The following CACNG2 variants were observed in gnomAD, a reference collection of about 807,000 sequenced individuals.
The protein encoded by CACNG2 is calcium voltage-gated channel auxiliary subunit gamma 2, also known as voltage-dependent calcium channel gamma-2 subunit.
A neutral mutation model predicts 25.9 loss-of-function variants in CACNG2; 3 were observed. That is an observed-to-expected ratio of 0.12 (90% CI 0.05 to 0.30). The LOEUF (loss-of-function observed/expected upper bound fraction) is 0.30, where lower values mean the gene tolerates loss of function less well. Among genes scored for constraint, CACNG2 ranks in the 10% least tolerant of loss-of-function variants. CACNG2 has a pLI of 1.00. For synonymous variants in CACNG2, 167 were observed against 173.3 expected, an observed-to-expected ratio of 0.96 and a Z score of 0.29; for missense variants, 341 against 432.5, an observed-to-expected ratio of 0.79 and a Z score of 1.88.
intron 1 of CACNG2, among the ~76,000 whole-genome samples, chr22:36,623,714 AATG>A (rs923433985): frequency 1.3e-5 from 2 of 151,924 alleles, no homozygotes; most frequent in Non-Finnish European, 2.9e-5. Context: ...AACTGACAAT[AATG>A]ATGATGATGA....
intron 1 of CACNG2, among the ~76,000 whole-genome samples, chr22:36,630,424 A>G (rs1220541352): frequency 6.6e-6 from 1 of 152,192 alleles, no homozygotes; most frequent in Non-Finnish European, 1.5e-5. Flanking sequence ...TGAGCACCAG[A>G]TGGATGGTGA....
At chr22:36,645,740 A>G (rs982799744) in intron 1 of CACNG2, among the ~76,000 whole-genome samples, 3 of 152,214 alleles carry the variant, frequency 2.0e-5, no homozygotes, top group African/African-American at 7.2e-5. Context: ...CTCTAGAGCT[A>G]CAGGAATCTC....
intron 2 of CACNG2, among the ~76,000 whole-genome samples, chr22:36,567,304 T>C (rs745388310): frequency 1.2e-4 from 19 of 152,228 alleles, no homozygotes; most frequent in Non-Finnish European, 2.2e-4. Flanking sequence ...GCTTCCACCA[T>C]GAACCATGGG....
At chr22:36,625,772 T>C (rs961912491) in intron 1 of CACNG2, among the ~76,000 whole-genome samples, 2 of 152,224 alleles carry the variant, frequency 1.3e-5, no homozygotes, top group South Asian at 2.1e-4. Flanking sequence ...TGTGCTTTTC[T>C]ACCTCAAGTC....
chr22:36,696,216 G>A (rs1164089576), intron 1 of CACNG2, among the ~76,000 whole-genome samples: 2 of 152,052 alleles, frequency 1.3e-5, no homozygotes, highest in African/African-American at 2.4e-5. Context: ...CACCCCCGGC[G>A]CTTTCTTCTC....
Position 36,606,163 on chromosome 22 carries a change from C to T in CACNG2, c.212-18615G>A, listed in dbSNP as rs1481925145. Among the ~76,000 whole-genome samples the T allele has an allele frequency of 6.6e-6, 1 of 152,224 alleles. No homozygotes were observed. Among genetic ancestry groups the T allele is most frequent in the Non-Finnish European group, 1.5e-5 (1 of 68,046 alleles). On this transcript the variant is annotated intron_variant, in intron 1 of 3. Coordinates refer to ENST00000300105, the MANE Select transcript of CACNG2 (RefSeq NM_006078.5). This position sits in a 1 kb window ranked among gnomAD's most constrained non-coding sequence, Gnocchi z 5.7. ...GTTGGTGTTGAGCTAGGTTCCACAG[C>T]AGAGAAGGGATCAATACAGACGGAT... is the stretch of plus-strand genomic sequence containing the variant.
At chr22:36,623,019 T>A (rs1370378897) in intron 1 of CACNG2, among the ~76,000 whole-genome samples, 6 of 137,914 alleles carry the variant, frequency 4.4e-5, no homozygotes, top group African/African-American at 1.6e-4. Context: ...TGGGTTTTTT[T>A]TTTTTTTTTT....
intron 1 of CACNG2, among the ~76,000 whole-genome samples, chr22:36,595,622 G>GTGAGGA (rs977045876): frequency 2.0e-5 from 3 of 152,192 alleles, no homozygotes; most frequent in Non-Finnish European, 4.4e-5. Context: ...GAGGGTGAGG[G>GTGAGGA]TGGGTGATGG....
chr22:36,580,512 T>C (rs564210088), intron 2 of CACNG2, among the ~76,000 whole-genome samples: 6 of 152,268 alleles, frequency 3.9e-5, no homozygotes, highest in African/African-American at 1.4e-4. Flanking sequence ...CTTCTGGCTA[T>C]GGAGTGTGGC....
intron 1 of CACNG2, among the ~76,000 whole-genome samples, chr22:36,602,521 G>A (rs1935770021): frequency 6.6e-6 from 1 of 152,098 alleles, no homozygotes; most frequent in Non-Finnish European, 1.5e-5. Flanking sequence ...GAGTAGCTGG[G>A]ATTACAGGCA....
intron 1 of CACNG2, among the ~76,000 whole-genome samples, chr22:36,663,539 G>C (rs1936830052): frequency 1.3e-5 from 2 of 149,856 alleles, no homozygotes; most frequent in Non-Finnish European, 3.0e-5. Context: ...ATGACAGAGA[G>C]AGAAGGATAG....
chr22:36,578,357 C>CAAA lies in CACNG2; in HGVS notation c.295+9105_295+9107dup, dbSNP rs3076266. Among the ~76,000 whole-genome samples, 1,056 of 130,018 alleles carry CAAA rather than the reference C, an allele frequency of 8.1e-3. 22 individuals carry two copies. Among genetic ancestry groups the CAAA allele is most frequent in the African/African-American group, 0.025 (869 of 34,756 alleles). 85.3% of individuals were successfully genotyped at this position (130,018 alleles called of 152,430 possible). On this transcript the variant is annotated intron_variant, in intron 2 of 3. Coordinates refer to ENST00000300105, the MANE Select transcript of CACNG2 (RefSeq NM_006078.5). ...TGGGTGACAGAGCGAGACTCAATCT[C>CAAA]AAAAAAAAAAAAAAAGCCGGAATGA... is the stretch of plus-strand genomic sequence containing the variant.
chr22:36,594,779 G>T (rs567087349), intron 1 of CACNG2, among the ~76,000 whole-genome samples: 1 of 151,328 alleles, frequency 6.6e-6, no homozygotes, highest in South Asian at 2.1e-4. Flanking sequence ...ATGGGTGTGT[G>T]TGTCTGTGTG....
At chr22:36,622,168 A>G (rs757769660) in intron 1 of CACNG2, among the ~76,000 whole-genome samples, 1 of 152,272 alleles carries the variant, frequency 6.6e-6, no homozygotes, top group African/African-American at 2.4e-5. Flanking sequence ...GGCAGGATTC[A>G]GACCTGGCCA....
intron 1 of CACNG2, among the ~76,000 whole-genome samples, chr22:36,614,290 T>G (rs1689719943): frequency 6.6e-6 from 1 of 152,048 alleles, no homozygotes; most frequent in African/African-American, 2.4e-5. Context: ...CTCTATCACT[T>G]CTCCTCTCTG....
At chr22:36,613,121 C>T (rs941606401) in intron 1 of CACNG2, among the ~76,000 whole-genome samples, 1 of 151,372 alleles carries the variant, frequency 6.6e-6, no homozygotes, top group Non-Finnish European at 1.5e-5. Context: ...ATATAGTGCT[C>T]AATGTTTCCA....
At chr22:36,591,924 A>T (rs936518698) in intron 1 of CACNG2, among the ~76,000 whole-genome samples, 3 of 152,020 alleles carry the variant, frequency 2.0e-5, no homozygotes, top group African/African-American at 7.3e-5. Flanking sequence ...CAGGATCATC[A>T]ACTGAGAGTG....
chr22:36,698,301 T>A (rs957426962), intron 1 of CACNG2, among the ~76,000 whole-genome samples: 1 of 152,214 alleles, frequency 6.6e-6, no homozygotes, highest in Non-Finnish European at 1.5e-5. Context: ...ATATTTCTTA[T>A]GCGCTTCCTG....
chr22:36,634,580 T>A (rs1936326539), intron 1 of CACNG2, among the ~76,000 whole-genome samples: 1 of 152,072 alleles, frequency 6.6e-6, no homozygotes, highest in South Asian at 2.1e-4. Context: ...CTGGTAAAAT[T>A]TTTTTAGGAG....
Sources: allele counts gnomAD v4.1 joint callset (sites outside exome capture counted in the v4.1 genomes callset), GRCh38; gene constraint gnomAD v4.1.1; non-coding constraint Gnocchi (gnomAD v3.1); transcripts MANE v1.5; gene names NCBI Gene and HGNC (gene_info 2026-07-23, HGNC 2026-07-21).